DMC1: variants seen among roughly 807,000 people sequenced by gnomAD.
DMC1 encodes DNA meiotic recombinase 1.
A neutral mutation model predicts 50.1 loss-of-function variants in DMC1; 27 were observed. The observed-to-expected ratio is 0.54, with a 90% CI of 0.40 to 0.74. The LOEUF is 0.74. Among genes scored for constraint, DMC1 ranks in the 30% least tolerant of loss-of-function variants. The pLI is 0.00. For missense variants in DMC1, 295 were observed against 420.2 expected, an observed-to-expected ratio of 0.70 and a Z score of 2.60; for synonymous variants, 148 against 136.1, an observed-to-expected ratio of 1.09 and a Z score of -0.61.
chr22:38,530,571 C>A (rs1426747536), intron 12 of DMC1, among the ~76,000 whole-genome samples: 2 of 151,948 alleles, frequency 1.3e-5, no homozygotes, highest in East Asian at 3.9e-4. Context: ...ATTGGGGTCA[C>A]ATGAGAATTA....
chr22:38,566,712 TC>T lies in DMC1; in HGVS notation c.120del (p.Lys41AsnfsTer3). The T allele has an allele frequency of 6.2e-7, 1 of 1,614,048 alleles. No homozygotes were observed. The highest frequency in any genetic ancestry group is 8.5e-7 in the Non-Finnish European group (1 of 1,179,930). On this transcript the variant is annotated frameshift_variant, in exon 4 of 14. Coordinates refer to ENST00000216024, the MANE Select transcript of DMC1 (RefSeq NM_007068.4). LOFTEE classifies it high-confidence loss of function. ...TTGATGGTACAGATTCCTACTGATT[TC>T]AGTTTCTTAATGTCAGCCACGTTCT... is the stretch of plus-strand genomic sequence containing the variant. Reference protein sequence around the residue: ...HGINVADIKKLKSVGICTIKG... With the variant: ...HGINVADIKKXKSVGICTIKG...
intron 12 of DMC1, among the ~76,000 whole-genome samples, chr22:38,522,503 A>G (rs1335908514): frequency 2.0e-5 from 3 of 152,106 alleles, no homozygotes; most frequent in African/African-American, 7.2e-5. Context: ...TGGAGGCTGC[A>G]GTTAGCTGAG....
chr22:38,540,972 C>T (rs1253992699), intron 8 of DMC1, among the ~76,000 whole-genome samples: 2 of 152,102 alleles, frequency 1.3e-5, no homozygotes, highest in African/African-American at 2.4e-5. Flanking sequence ...AAAAGGCCAC[C>T]AAGAGTTTTG....
chr22:38,561,524 G>C (rs751193902), intron 5 of DMC1, among the ~76,000 whole-genome samples: 4 of 152,158 alleles, frequency 2.6e-5, no homozygotes, highest in African/African-American at 4.8e-5. Context: ...TAGGTCAGAG[G>C]ATCAGGAAAG....
Position 38,551,146 on chromosome 22 carries a change from A to G in DMC1, c.422-1149T>C, listed in dbSNP as rs1406368523. Among the ~76,000 whole-genome samples, 90 of 118,908 alleles carry G rather than the reference A, an allele frequency of 7.6e-4. No individual in the cohort carries two copies. The Middle Eastern group carries it at 0.026, about 34-fold the overall frequency. 78.0% of individuals were successfully genotyped at this position (118,908 alleles called of 152,430 possible). A position where few individuals can be genotyped will look rare whatever the true frequency, so the allele number is the denominator to read the frequency against. On this transcript the variant is annotated intron_variant, in intron 7 of 13. Transcript: ENST00000216024. The stretch of plus-strand genomic sequence containing the variant: ...GCCTGTAATCCCAGCTACTCAGGAG[A>G]CTGAGGCAGGAGAATCGCTTGAACC...
At position 38,563,334 on chromosome 22, in the gene DMC1, A is replaced by G. The variant is rs146870456; in HGVS notation, c.244-965T>C. Among the ~76,000 whole-genome samples the G allele has an allele frequency of 1.8e-4, 28 of 152,268 alleles. No individual in the cohort carries two copies. In the East Asian group the frequency reaches 5.4e-3, roughly 29 times the overall value. On this transcript the variant is annotated intron_variant, in intron 4 of 13. Coordinates refer to ENST00000216024, the MANE Select transcript of DMC1 (RefSeq NM_007068.4). ...GTGTCCCTCTTTGTTGTTTTATACT[A>G]TGACTGTGGTTCTTAAACTTTGGAG...
At chr22:38,558,438 G>A (rs1742566747) in intron 5 of DMC1, among the ~76,000 whole-genome samples, 1 of 151,428 alleles carries the variant, frequency 6.6e-6, no homozygotes, top group Non-Finnish European at 1.5e-5. Flanking sequence ...CTCCTGGCTG[G>A]GCGCAGTGGC....
chr22:38,543,454 C>A (rs976168004), intron 8 of DMC1, among the ~76,000 whole-genome samples: 2 of 152,098 alleles, frequency 1.3e-5, no homozygotes, highest in African/African-American at 4.8e-5. Flanking sequence ...TGGTCTTGAT[C>A]TCCTGACCTC....
chr22:38,537,448 G>A (rs565886981), intron 12 of DMC1, 144 bp downstream of exon 12: 14 of 710,080 alleles, frequency 2.0e-5, no homozygotes, highest in East Asian at 2.0e-4. Context: ...TCCTGACCTC[G>A]TGATCCGCCT....
rs1569151836 is a variant in DMC1 at position 38,521,586 on chromosome 22, CACAA to C, written c.953+18_953+21del. ...ACACACACACACACACACACACACA[CACAA>C]AATAAAAAAAAATTTACCTGTCATA... On this transcript the variant is annotated intron_variant, in intron 13 of 13. Transcript: ENST00000216024. The C allele has an allele frequency of 3.5e-5, 45 of 1,278,078 alleles. No individual in the cohort carries two copies. Among genetic ancestry groups the C allele is most frequent in the Non-Finnish European group, 3.8e-5 (34 of 893,236 alleles). 79.2% of individuals were successfully genotyped at this position (1,278,078 alleles called of 1,614,324 possible).
At chr22:38,560,752 GA>G (rs551869455) in intron 5 of DMC1, among the ~76,000 whole-genome samples, 3 of 151,340 alleles carry the variant, frequency 2.0e-5, no homozygotes, top group African/African-American at 2.4e-5. Context: ...AACAAATGTA[GA>G]AAAAAAATAA....
chr22:38,526,765 T>G (rs2090096281), intron 12 of DMC1, among the ~76,000 whole-genome samples: 1 of 152,194 alleles, frequency 6.6e-6, no homozygotes, highest in African/African-American at 2.4e-5. Context: ...GGATTCCATA[T>G]CTAGTAAATA....
In DMC1 at chr22:38,521,590, A is replaced by ACACACACAC. The variant is rs757107730; in HGVS notation, c.953+17_953+18insGTGTGTGTG. The ACACACACAC allele has an allele frequency of 4.6e-5, 66 of 1,426,284 alleles. No individual in the cohort carries two copies. The highest frequency in any genetic ancestry group is 5.5e-5 in the Non-Finnish European group (56 of 1,025,836). The allele number at this position is 1,426,284 out of a possible 1,614,324, so 88.4% of individuals were successfully genotyped here. The stretch of plus-strand genomic sequence containing the variant: ...ACACACACACACACACACACACACA[A>ACACACACAC]AATAAAAAAAAATTTACCTGTCATA... On this transcript the variant is annotated intron_variant, in intron 13 of 13. Transcript: ENST00000216024.
intron 3 of DMC1, among the ~76,000 whole-genome samples, chr22:38,567,365 G>A (rs1472643390): frequency 6.6e-6 from 1 of 152,116 alleles, no homozygotes; most frequent in Non-Finnish European, 1.5e-5. Context: ...TTGTCCTCTG[G>A]ATACACTTGA....
intron 12 of DMC1, among the ~76,000 whole-genome samples, chr22:38,522,074 C>G (rs2090035193): frequency 6.6e-6 from 1 of 151,892 alleles, no homozygotes; most frequent in Non-Finnish European, 1.5e-5. Context: ...GTCTCAGCCT[C>G]CCAGGTAGCT....
intron 7 of DMC1, 38 bp downstream of exon 7, chr22:38,552,628 C>T (rs2090424737): frequency 7.2e-7 from 1 of 1,383,572 alleles, no homozygotes; most frequent in South Asian, 1.2e-5. Context: ...TAAGTAATAG[C>T]CATGATTATT....
chr22:38,562,176 C>A, intron 5 of DMC1, 111 bp downstream of exon 5: 1 of 744,260 alleles, frequency 1.3e-6, no homozygotes, highest in Non-Finnish European at 2.3e-6. Flanking sequence ...ACCCAAACTT[C>A]AAATGAAGAA....
At chr22:38,550,217 A>G (rs766866871) in intron 7 of DMC1, among the ~76,000 whole-genome samples, 4 of 152,126 alleles carry the variant, frequency 2.6e-5, no homozygotes, top group Non-Finnish European at 4.4e-5. Context: ...AAATAATTTC[A>G]CTATCTTTCA....
At chr22:38,558,410 T>C (rs1332076749) in intron 5 of DMC1, among the ~76,000 whole-genome samples, 1 of 152,000 alleles carries the variant, frequency 6.6e-6, no homozygotes, top group East Asian at 1.9e-4. Context: ...AATTAAATAT[T>C]AATTTTTAAA....
Sources: gnomAD v4.1 joint callset for allele counts (sites outside exome capture counted in the v4.1 genomes callset) on GRCh38, gnomAD v4.1.1 for gene constraint, MANE v1.5 for transcripts, NCBI Gene and HGNC (gene_info 2026-07-23, HGNC 2026-07-21) for gene names.